Variants in PPP6R2 observed in about 807,000 individuals in gnomAD.
PPP6R2 encodes the protein protein phosphatase 6 regulatory subunit 2.
Under a neutral mutation model 100.2 loss-of-function variants are expected in PPP6R2, and 62 were observed. The ratio of observed to expected loss-of-function variants is 0.62; its 90% CI spans 0.50 to 0.76. PPP6R2 has a LOEUF of 0.76. Among genes scored for constraint, PPP6R2 ranks in the 30% least tolerant of loss-of-function variants. PPP6R2 has a pLI of 0.00. For synonymous variants in PPP6R2, 525 were observed against 514.7 expected (o/e 1.02, Z -0.27); for missense variants, 1,142 against 1,276.3 (o/e 0.89, Z 1.60).
At chr22:50,378,432 C>A (rs1380319347) in intron 2 of PPP6R2, among the ~76,000 whole-genome samples, 1 of 151,810 alleles carries the variant, frequency 6.6e-6, no homozygotes, top group African/African-American at 2.4e-5. Flanking sequence ...ACTAAAAATA[C>A]AAAATTAGCC....
At chr22:50,365,024 T>C (rs1199051187) in intron 1 of PPP6R2, among the ~76,000 whole-genome samples, 1 of 152,034 alleles carries the variant, frequency 6.6e-6, no homozygotes, top group Non-Finnish European at 1.5e-5. Flanking sequence ...ATATCTTCCA[T>C]GTCTTTACTT....
chr22:50,410,569 TG>T (rs1166622384), intron 4 of PPP6R2, among the ~76,000 whole-genome samples: 1 of 146,334 alleles, frequency 6.8e-6, no homozygotes. Flanking sequence ...CTCCACCTCC[TG>T]GGTTCAAGCG....
chr22:50,337,290 G>C, the PPP6R2 span, among the ~76,000 whole-genome samples: 1 of 143,108 alleles, frequency 7.0e-6, no homozygotes, highest in Non-Finnish European at 1.5e-5. Flanking sequence ...GTGGTGTGTG[G>C]TATGTGGGGG....
chr22:50,436,086 C>T (rs1002602259), intron 13 of PPP6R2, among the ~76,000 whole-genome samples: 1 of 152,224 alleles, frequency 6.6e-6, no homozygotes, highest in Admixed American at 6.5e-5. Flanking sequence ...AGACTTGGAA[C>T]TCAGATGCCC....
Position 50,355,854 on chromosome 22 carries a change from C to CA in PPP6R2, c.-148+12313dup, listed in dbSNP as rs957705717. Among the ~76,000 whole-genome samples the CA allele has an allele frequency of 4.9e-4, 71 of 144,952 alleles. 3 individuals carry two copies. In the South Asian group the frequency reaches 0.011, roughly 23 times the overall value. ...TTCTTTAAAATGGAAAAAAAAAAACCAAAAAAAAAGCTTTTAAAAATTTTT... is the reference window on the plus strand; with the variant it reads ...TTCTTTAAAATGGAAAAAAAAAAACCAAAAAAAAAAGCTTTTAAAAATTTTT... On this transcript the variant is annotated intron_variant, in intron 1 of 23. Transcript: ENST00000612753.
intron 2 of PPP6R2, among the ~76,000 whole-genome samples, chr22:50,376,562 A>T (rs567105037): frequency 4.4e-4 from 67 of 152,034 alleles, no homozygotes; most frequent in African/African-American, 1.6e-3. Context: ...GGCTGGGACT[A>T]CAGGCACACA....
In PPP6R2 at chr22:50,374,425, G is replaced by C. The variant is rs118110322; in HGVS notation, c.-17+2275G>C. On this transcript the variant is annotated intron_variant, in intron 2 of 23. Transcript: ENST00000612753. ...ATTGGTAAAGTGAAACACAGTGAAA[G>C]ACATTATCCAAAGTGCAGCCCTGAG... 9.1e-3 allele frequency among the ~76,000 whole-genome samples: 1,380 copies of C among 152,254 alleles called. 15 individuals carry two copies. Among genetic ancestry groups the C allele is most frequent in the Non-Finnish European group, 0.015 (1,053 of 68,020 alleles).
At chr22:50,375,143 A>G (rs575111606) in intron 2 of PPP6R2, among the ~76,000 whole-genome samples, 6 of 152,092 alleles carry the variant, frequency 3.9e-5, no homozygotes, top group Non-Finnish European at 8.8e-5. Flanking sequence ...TTATTATAGA[A>G]TCGTGTTATC....
intron 1 of PPP6R2, among the ~76,000 whole-genome samples, chr22:50,358,847 T>C (rs1451861092): frequency 2.6e-5 from 4 of 152,096 alleles, no homozygotes; most frequent in Non-Finnish European, 5.9e-5. Flanking sequence ...GGAACCTTTG[T>C]TATAAATTAA....
At chr22:50,376,883 C>G (rs1033922252) in intron 2 of PPP6R2, among the ~76,000 whole-genome samples, 1 of 151,834 alleles carries the variant, frequency 6.6e-6, no homozygotes, top group African/African-American at 2.4e-5. Context: ...AAAAATTAGC[C>G]GGGCGCGGTG....
chr22:50,427,293 G>C (rs1444280948), intron 10 of PPP6R2, among the ~76,000 whole-genome samples: 1 of 152,082 alleles, frequency 6.6e-6, no homozygotes, highest in Admixed American at 6.6e-5. Flanking sequence ...GTGTCGCACT[G>C]TTTTGGTGAC....
At chr22:50,397,187 C>G (rs2057076589) in intron 3 of PPP6R2, among the ~76,000 whole-genome samples, 1 of 152,036 alleles carries the variant, frequency 6.6e-6, no homozygotes, top group African/African-American at 2.4e-5. Flanking sequence ...CAAAGATGCC[C>G]TGAGTAAACA....
chr22:50,366,318 T>TA (rs1202232376), intron 1 of PPP6R2, among the ~76,000 whole-genome samples: 1 of 151,820 alleles, frequency 6.6e-6, no homozygotes, highest in East Asian at 1.9e-4. Flanking sequence ...CATCTTTTTT[T>TA]TTTTTTTTTT....
At chr22:50,333,095 C>T in the PPP6R2 span, among the ~76,000 whole-genome samples, 5 of 152,058 alleles carry the variant, frequency 3.3e-5, no homozygotes, top group African/African-American at 9.7e-5. Flanking sequence ...GCTGTGATCG[C>T]ACCAGTGCAC....
chr22:50,369,927 T>TTA (rs774327761), intron 1 of PPP6R2, among the ~76,000 whole-genome samples: 2 of 140,112 alleles, frequency 1.4e-5, no homozygotes, highest in African/African-American at 2.6e-5. Context: ...TTTTTTTTTT[T>TTA]AAGTAGAGGC....
At chr22:50,382,133 A>G (rs2053207577) in intron 2 of PPP6R2, among the ~76,000 whole-genome samples, 1 of 152,198 alleles carries the variant, frequency 6.6e-6, no homozygotes, top group Non-Finnish European at 1.5e-5. Flanking sequence ...TCTTAGCCCA[A>G]TAAATCAGAA....
chr22:50,437,834 C>T lies in PPP6R2; in HGVS notation c.1782-9C>T, dbSNP rs1435260958. The T allele has an allele frequency of 1.9e-6, 3 of 1,552,374 alleles. No individual in the cohort carries two copies. The highest frequency in any genetic ancestry group is 8.7e-7 in the Non-Finnish European group (1 of 1,147,470). ...AGGAACGCTGAAGCCATCCCCCTTG[C>T]TCTTGCAGTGCCCCGTTTGACAGGA... On this transcript the variant is annotated splice_polypyrimidine_tract_variant and intron_variant, in intron 16 of 23. Coordinates refer to ENST00000612753, the MANE Select transcript of PPP6R2 (RefSeq NM_001242898.2).
At chr22:50,427,396 G>C (rs945172582) in intron 10 of PPP6R2, among the ~76,000 whole-genome samples, 1 of 152,180 alleles carries the variant, frequency 6.6e-6, no homozygotes, top group Non-Finnish European at 1.5e-5. Flanking sequence ...GTGAGATTCT[G>C]TATGAATTTG....
upstream of PPP6R2, among the ~76,000 whole-genome samples, chr22:50,338,715 G>C (rs1395037745): frequency 5.1e-5 from 7 of 137,552 alleles, no homozygotes; most frequent in Non-Finnish European, 1.1e-4. Context: ...AGGGTGTGTG[G>C]TGTGTGTGTG....
Sources: allele counts gnomAD v4.1 joint callset (sites outside exome capture counted in the v4.1 genomes callset), GRCh38; gene constraint gnomAD v4.1.1; transcripts MANE v1.5; gene names NCBI Gene and HGNC (gene_info 2026-07-23, HGNC 2026-07-21).